Variants in FGF7 observed in about 807,000 individuals in gnomAD.
FGF7 encodes the protein fibroblast growth factor 7, also known as FGF-7.
Under a neutral mutation model 20.5 loss-of-function variants are expected in FGF7, and 6 were observed. The ratio of observed to expected loss-of-function variants is 0.29; its 90% CI spans 0.16 to 0.58. The LOEUF is 0.58. Ranked by LOEUF, FGF7 falls within the 20% of genes least tolerant of loss-of-function variation. The pLI is 0.90. For missense variants in FGF7, 144 were observed against 228.8 expected (o/e 0.63, Z 2.39); for synonymous variants, 64 against 74.7 (o/e 0.86, Z 0.74).
In FGF7 at chr15:49,485,848, A is replaced by G. The variant is rs1793404832; in HGVS notation, c.*1344A>G. On this transcript the variant is annotated 3_prime_UTR_variant, in exon 4 of 4. Transcript: ENST00000267843. ...AAACTATGTATATTTAAATTTAGTA[A>G]TTTTCTAATCTCTAGAAATCTCTGC... 9 of 152,088 alleles carry G rather than the reference A, an allele frequency of 5.9e-5. No homozygotes were observed. 9.4% of individuals were successfully genotyped at this position (152,088 alleles called of 1,614,324 possible). A position where few individuals can be genotyped will look rare whatever the true frequency, so the allele number is the denominator to read the frequency against.
At chr15:49,479,457 A>G (rs1290697157) in intron 2 of FGF7, among the ~76,000 whole-genome samples, 4 of 152,200 alleles carry the variant, frequency 2.6e-5, no homozygotes, top group African/African-American at 9.7e-5. Flanking sequence ...CAACGGATAC[A>G]CTGTAGACAA....
chr15:49,483,876 T>C (rs1039800408), intron 3 of FGF7, among the ~76,000 whole-genome samples: 1 of 152,052 alleles, frequency 6.6e-6, no homozygotes, highest in African/African-American at 2.4e-5. Context: ...TCCATTACCA[T>C]TGAAGACAAT....
intron 2 of FGF7, among the ~76,000 whole-genome samples, chr15:49,451,890 G>C (rs763324373): frequency 7.9e-5 from 12 of 151,996 alleles, no homozygotes; most frequent in Non-Finnish European, 1.3e-4. Context: ...TTTTACATGC[G>C]GTTCTTCCAG....
chr15:49,424,101 A>C lies in FGF7; in HGVS notation c.-197A>C, dbSNP rs192559607. The C allele has an allele frequency of 6.2e-4, 283 of 458,858 alleles. 2 individuals are homozygous for C. Among genetic ancestry groups the C allele is most frequent in the Non-Finnish European group, 8.5e-4 (221 of 260,224 alleles). 28.4% of individuals were successfully genotyped at this position (458,858 alleles called of 1,614,324 possible). Reference sequence around the variant, plus strand: ...ACTGTTTTTATGAGGATTTATCAACAGAGTTATTTAAGGAGGAATCCTGTG... The same window carrying C: ...ACTGTTTTTATGAGGATTTATCAACCGAGTTATTTAAGGAGGAATCCTGTG... On this transcript the variant is annotated 5_prime_UTR_variant, in exon 2 of 4. Coordinates refer to ENST00000267843, the MANE Select transcript of FGF7 (RefSeq NM_002009.4).
intron 2 of FGF7, among the ~76,000 whole-genome samples, chr15:49,457,315 C>A (rs1451841081): frequency 6.6e-6 from 1 of 151,832 alleles, no homozygotes; most frequent in African/African-American, 2.4e-5. Flanking sequence ...ATCAAATCAG[C>A]GTGTAAACTA....
chr15:49,466,129 G>A (rs1422369022), intron 2 of FGF7, among the ~76,000 whole-genome samples: 3 of 152,166 alleles, frequency 2.0e-5, no homozygotes, highest in Non-Finnish European at 4.4e-5. Flanking sequence ...TCACTATGGA[G>A]AAACTGGAAT....
At chr15:49,435,085 A>C (rs533691545) in intron 2 of FGF7, among the ~76,000 whole-genome samples, 1 of 151,770 alleles carries the variant, frequency 6.6e-6, no homozygotes, top group East Asian at 1.9e-4. Flanking sequence ...GTATACATTA[A>C]AATTGTTGTG....
chr15:49,480,534 G>C (rs1193181876), intron 2 of FGF7, among the ~76,000 whole-genome samples: 1 of 148,426 alleles, frequency 6.7e-6, no homozygotes, highest in African/African-American at 2.5e-5. Context: ...TAGGCTAGAG[G>C]GCAGTGGCGC....
chr15:49,473,679 T>C lies in FGF7; in HGVS notation c.287-9472T>C, dbSNP rs888135470. Among the ~76,000 whole-genome samples the C allele has an allele frequency of 5.9e-5, 9 of 152,156 alleles. No homozygotes were observed. The East Asian group carries it at 1.5e-3, about 26-fold the overall frequency. ...TAGAAGAATAAAACTATTTCTCTTATTTCAACATTTGGAAACCAAAGAAAT... is the reference window on the plus strand; with the variant it reads ...TAGAAGAATAAAACTATTTCTCTTACTTCAACATTTGGAAACCAAAGAAAT... On this transcript the variant is annotated intron_variant, in intron 2 of 3. Coordinates refer to ENST00000267843, the MANE Select transcript of FGF7 (RefSeq NM_002009.4).
Position 49,424,629 on chromosome 15 carries a change from T to C in FGF7, c.286+46T>C. The C allele has an allele frequency of 3.6e-6, 5 of 1,406,754 alleles. No individual in the cohort carries two copies. The South Asian group carries it at 4.6e-5, about 13-fold the overall frequency. The allele number at this position is 1,406,754 out of a possible 1,614,324, so 87.1% of individuals were successfully genotyped here. A position where few individuals can be genotyped will look rare whatever the true frequency, so the allele number is the denominator to read the frequency against. On this transcript the variant is annotated intron_variant, in intron 2 of 3. Coordinates refer to ENST00000267843, the MANE Select transcript of FGF7 (RefSeq NM_002009.4). The stretch of plus-strand genomic sequence containing the variant: ...CTCATGAACCTTAGCAATCTGTTAA[T>C]GGATCAATTTTCAGGTGATATGTTT...
chr15:49,480,474 ATTTT>A (rs35283556), intron 2 of FGF7, among the ~76,000 whole-genome samples: 1 of 100,912 alleles, frequency 9.9e-6, no homozygotes. Context: ...TGCCCAACTA[ATTTT>A]TTTTTTTTTT....
intron 2 of FGF7, among the ~76,000 whole-genome samples, chr15:49,430,284 T>C (rs1342558847): frequency 6.6e-6 from 1 of 151,840 alleles, no homozygotes. Flanking sequence ...TTCTGACACT[T>C]TAAAGTGGTG....
intron 2 of FGF7, among the ~76,000 whole-genome samples, chr15:49,466,616 A>G (rs530860026): frequency 2.6e-3 from 390 of 152,276 alleles, no homozygotes; most frequent in Non-Finnish European, 4.8e-3. Context: ...TAAAGTCAGA[A>G]GGGCTGGAGG....
Position 49,487,172 on chromosome 15 carries a change from G to C in FGF7, c.*2668G>C, listed in dbSNP as rs1006447106. 1 of 151,794 alleles carries C rather than the reference G, an allele frequency of 6.6e-6. No homozygotes were observed. Among genetic ancestry groups the C allele is most frequent in the Admixed American group, 6.6e-5 (1 of 15,196 alleles). The allele number at this position is 151,794 out of a possible 1,614,324, so 9.4% of individuals were successfully genotyped here. A position where few individuals can be genotyped will look rare whatever the true frequency, so the allele number is the denominator to read the frequency against. On this transcript the variant is annotated 3_prime_UTR_variant, in exon 4 of 4. Coordinates refer to ENST00000267843, the MANE Select transcript of FGF7 (RefSeq NM_002009.4). ...ATACTGTGATGATTTGACTCAAAAG[G>C]AGAAAAGAAATTATGTAGTTTTCAA...
chr15:49,454,636 G>C (rs2151900574), intron 2 of FGF7, among the ~76,000 whole-genome samples: 1 of 152,176 alleles, frequency 6.6e-6, no homozygotes, highest in Admixed American at 6.5e-5. Flanking sequence ...TTGAGACGAA[G>C]TCTCGCTCTG....
intron 2 of FGF7, among the ~76,000 whole-genome samples, chr15:49,466,043 GA>G (rs2151946982): frequency 6.6e-6 from 1 of 152,272 alleles, no homozygotes; most frequent in South Asian, 2.1e-4. Flanking sequence ...GAGAACAATA[GA>G]GGTGGGTGCT....
intron 2 of FGF7, among the ~76,000 whole-genome samples, chr15:49,440,180 T>C (rs925841220): frequency 6.6e-6 from 1 of 151,816 alleles, no homozygotes; most frequent in African/African-American, 2.4e-5. Flanking sequence ...AGCATACTTT[T>C]AGTTAAACCC....
intron 2 of FGF7, among the ~76,000 whole-genome samples, chr15:49,464,573 T>C (rs2054096461): frequency 6.6e-6 from 1 of 152,208 alleles, no homozygotes. Context: ...TTTAATGTAT[T>C]GAATTTTGTA....
chr15:49,470,741 T>C (rs1012497817), intron 2 of FGF7, among the ~76,000 whole-genome samples: 8 of 152,356 alleles, frequency 5.3e-5, no homozygotes, highest in African/African-American at 1.4e-4. Flanking sequence ...TAAATGAGTA[T>C]TTGTGATCTA....
Sources: allele counts gnomAD v4.1 joint callset (sites outside exome capture counted in the v4.1 genomes callset), GRCh38; gene constraint gnomAD v4.1.1; transcripts MANE v1.5; gene names NCBI Gene and HGNC (gene_info 2026-07-23, HGNC 2026-07-21).